The following DOCK6 variants were observed in gnomAD, a reference collection of about 807,000 sequenced individuals.
The protein encoded by DOCK6 is dedicator of cytokinesis 6.
In DOCK6, 167 loss-of-function variants were observed where a neutral mutation model predicts 230.3. The ratio of observed to expected loss-of-function variants is 0.73; its 90% CI spans 0.64 to 0.82. The LOEUF (loss-of-function observed/expected upper bound fraction) is 0.82, where lower values mean the gene tolerates loss of function less well. DOCK6 is among the 40% of genes least tolerant of loss of function. The probability of loss-of-function intolerance (pLI) is 0.00; values close to 1 mark genes in which losing one functional copy is unlikely to be tolerated. For missense variants in DOCK6, 2,598 were observed against 2,825.8 expected (o/e 0.92, Z 1.83); for synonymous variants, 1,148 against 1,185.0 (o/e 0.97, Z 0.64).
In DOCK6 at chr19:11,216,971, G is replaced by C. The variant is rs775363452; in HGVS notation, c.3837C>G (p.Pro1279=). 1 of 1,613,766 alleles carries C rather than the reference G, an allele frequency of 6.2e-7. No individual in the cohort carries two copies. Among genetic ancestry groups the C allele is most frequent in the Non-Finnish European group, 8.5e-7 (1 of 1,179,894 alleles). The change falls in exon 30 of 48, where the codon CCC becomes CCG. Residue 1279 remains proline (P), a synonymous_variant. Transcript: ENST00000294618. ...LQRWATDLTL[P]QLGRLLDLLY... ...GCAAATCCAACAGACGTCCCAGCTG[G>C]GGGAGTGTCAGGTCAGTGGCCCAGC...
At chr19:11,239,558 G>A (rs906665047) in intron 14 of DOCK6, 34 of 1,547,950 alleles carry the variant, frequency 2.2e-5, no homozygotes, top group Middle Eastern at 3.4e-4. Flanking sequence ...GCCAGTTAAC[G>A]ATTGACTGGG....
At chr19:11,207,464 G>A (rs1463332626) in intron 39 of DOCK6, among the ~76,000 whole-genome samples, 2 of 152,070 alleles carry the variant, frequency 1.3e-5, no homozygotes, top group Non-Finnish European at 2.9e-5. Context: ...CCAAAGTGCT[G>A]GGATTACAGG....
In DOCK6 at chr19:11,222,957, C is replaced by T. The variant is rs1275511744; in HGVS notation, c.3069+36G>A. 1 of 1,613,464 alleles carries T rather than the reference C, an allele frequency of 6.2e-7. No individual in the cohort carries two copies. Among genetic ancestry groups the T allele is most frequent in the South Asian group, 1.1e-5 (1 of 91,066 alleles). On this transcript the variant is annotated intron_variant, in intron 25 of 47. Transcript: ENST00000294618. This position sits in a 1 kb window ranked among gnomAD's most constrained non-coding sequence, Gnocchi z 4.0. ...ATGTCAACATTGCTCCGCCTTCCAT[C>T]CATGCCATGCCCACCCTGCCCACGC...
At chr19:11,242,005 C>T (rs765241740) in intron 14 of DOCK6, 40 bp downstream of exon 14, 41 of 1,543,050 alleles carry the variant, frequency 2.7e-5, no homozygotes, top group Non-Finnish European at 3.2e-5. Flanking sequence ...TGTATGAATA[C>T]CTCCCATTCA....
At chr19:11,231,055 G>C (rs1305729324) in intron 22 of DOCK6, among the ~76,000 whole-genome samples, 1 of 152,180 alleles carries the variant, frequency 6.6e-6, no homozygotes, top group African/African-American at 2.4e-5. Context: ...CAGATTTCCA[G>C]ATTCCCAGCA....
chr19:11,209,185 C>A, intron 37 of DOCK6, 82 bp from the exon 38 acceptor site: 1 of 1,494,100 alleles, frequency 6.7e-7, no homozygotes, highest in East Asian at 2.5e-5. Flanking sequence ...ATTCTCTTCA[C>A]TGGTTACCCC....
chr19:11,249,992 T>C (rs891354825), intron 6 of DOCK6, among the ~76,000 whole-genome samples: 3 of 150,418 alleles, frequency 2.0e-5, no homozygotes, highest in Non-Finnish European at 3.0e-5. Flanking sequence ...AGGTATATAG[T>C]AGGTGTCCAT....
In DOCK6 at chr19:11,202,089, CA is replaced by C; in HGVS notation, c.5487del (p.Phe1829LeufsTer10). ...ACCCGGTCCTTGAGCTCGTAGGTAT[CA>C]AAGTACGGTTCCACATACGTGATCT... ...YIQITYVEPY[F>X]DTYELKDRVT... is the part of the protein sequence containing the mutation. On this transcript the variant is annotated frameshift_variant, in exon 44 of 48. Transcript: ENST00000294618. LOFTEE classifies it high-confidence loss of function. This position sits in a 1 kb window ranked among gnomAD's most constrained non-coding sequence, Gnocchi z 5.3. The C allele has an allele frequency of 6.2e-7, 1 of 1,614,032 alleles. No individual in the cohort carries two copies. The highest frequency in any genetic ancestry group is 8.5e-7 in the Non-Finnish European group (1 of 1,179,904).
In DOCK6 at chr19:11,242,142, G is replaced by A. The variant is rs774151071; in HGVS notation, c.1546C>T (p.Leu516Phe). The change falls in exon 14 of 48, where the codon CTT (leucine) becomes TTT (phenylalanine). Residue 516 changes from leucine (L) to phenylalanine (F), a missense_variant. Physicochemically the swap from Leu to Phe is conservative, Grantham distance 22. Coordinates refer to ENST00000294618, the MANE Select transcript of DOCK6 (RefSeq NM_020812.4). ...GGGTCCGGGTAGGGCTTGATATGAA[G>A]CAGCTCAGGGGAGAGGCAGAAGTGG... ...NPHFCLSPEL[L>F]HIKPYPDPRG... 2.0e-6 allele frequency: 3 copies of A among 1,498,174 alleles called. No homozygotes were observed. The highest frequency in any genetic ancestry group is 1.4e-5 in the African/African-American group (1 of 71,104). 92.8% of individuals were successfully genotyped at this position (1,498,174 alleles called of 1,614,324 possible).
At chr19:11,231,903 G>A (rs1039784989) in intron 22 of DOCK6, among the ~76,000 whole-genome samples, 1 of 152,180 alleles carries the variant, frequency 6.6e-6, no homozygotes, top group African/African-American at 2.4e-5. Flanking sequence ...GGGCAGTGAG[G>A]TTATGGGTGA....
rs748546785 is a variant in DOCK6 at position 11,217,042 on chromosome 19, AC to A, written c.3765del (p.Cys1256ValfsTer6). 17 of 1,613,448 alleles carry A rather than the reference AC, an allele frequency of 1.1e-5. No individual in the cohort carries two copies. The highest frequency in any genetic ancestry group is 1.2e-5 in the Non-Finnish European group (14 of 1,179,882). On this transcript the variant is annotated frameshift_variant, in exon 30 of 48. Coordinates refer to ENST00000294618, the MANE Select transcript of DOCK6 (RefSeq NM_020812.4). LOFTEE classifies it high-confidence loss of function. ...GTGTTTTTCAGCACCCACAGCACAC[AC>A]GCCAGCAAGGTCCGGCTTGACTCAG... ...LSAESSRTLL[A>X]CVLWVLKNTE... is the part of the protein sequence containing the mutation.
intron 1 of DOCK6, among the ~76,000 whole-genome samples, chr19:11,261,537 A>G (rs970619818): frequency 6.6e-6 from 1 of 152,120 alleles, no homozygotes; most frequent in Non-Finnish European, 1.5e-5. Flanking sequence ...TCCCCCGGGG[A>G]GAGGATACCT....
chr19:11,216,824 C>T (rs2079495567), intron 30 of DOCK6, 90 bp downstream of exon 30: 1 of 1,333,234 alleles, frequency 7.5e-7, no homozygotes, highest in Non-Finnish European at 1.1e-6. Context: ...AAAGACAGTC[C>T]ACCCCTTCCC....
At position 11,236,733 on chromosome 19, in the gene DOCK6, A is replaced by G. The variant is rs2079854433; in HGVS notation, c.2160+60T>C. On this transcript the variant is annotated intron_variant, in intron 19 of 47. Coordinates refer to ENST00000294618, the MANE Select transcript of DOCK6 (RefSeq NM_020812.4). This position sits in a 1 kb window ranked among gnomAD's most constrained non-coding sequence, Gnocchi z 5.2. Reference sequence around the variant, plus strand: ...CCCGGCCATCGGCAACTGTTACTCAATCGTAGGGCAGGCAAGAGGGGAGCA... The same window carrying G: ...CCCGGCCATCGGCAACTGTTACTCAGTCGTAGGGCAGGCAAGAGGGGAGCA... 1.2e-5 allele frequency: 18 copies of G among 1,544,266 alleles called. No individual in the cohort carries two copies. Among genetic ancestry groups the G allele is most frequent in the East Asian group, 2.4e-5 (1 of 40,834 alleles).
intron 20 of DOCK6, 49 bp from the exon 21 acceptor site, chr19:11,235,808 TC>T (rs1448928290): frequency 2.0e-6 from 3 of 1,525,806 alleles, no homozygotes; most frequent in Non-Finnish European, 1.8e-6. Flanking sequence ...GCCTCTCACC[TC>T]CCCGCCCACT....
chr19:11,203,815 C>A (rs2079211254), intron 41 of DOCK6: 2 of 580,518 alleles, frequency 3.4e-6, no homozygotes, highest in Non-Finnish European at 6.1e-6. Flanking sequence ...CCTGCAGTGA[C>A]CAAGCTGGCC....
intron 1 of DOCK6, among the ~76,000 whole-genome samples, chr19:11,255,373 C>T (rs995203375): frequency 1.3e-5 from 2 of 149,844 alleles, no homozygotes; most frequent in East Asian, 2.0e-4. Context: ...GGCACGATAT[C>T]GGCTCACTGC....
At chr19:11,215,990 GC>G in intron 30 of DOCK6, 63 bp from the exon 31 acceptor site, 2 of 1,592,108 alleles carry the variant, frequency 1.3e-6, no homozygotes, top group Non-Finnish European at 1.7e-6. Flanking sequence ...ACCTGGGCTG[GC>G]CCCATCCCTT....
In DOCK6 at chr19:11,199,342, G is replaced by A. The variant is rs1411837643; in HGVS notation, c.*155C>T. The A allele has an allele frequency of 1.1e-6, 1 of 879,912 alleles. No individual in the cohort carries two copies. Among genetic ancestry groups the A allele is most frequent in the Non-Finnish European group, 1.8e-6 (1 of 557,592 alleles). 54.5% of individuals were successfully genotyped at this position (879,912 alleles called of 1,614,324 possible). A position where few individuals can be genotyped will look rare whatever the true frequency, so the allele number is the denominator to read the frequency against. On this transcript the variant is annotated 3_prime_UTR_variant, in exon 48 of 48. Coordinates refer to ENST00000294618, the MANE Select transcript of DOCK6 (RefSeq NM_020812.4). ...ATTAAAAAAGGGAGGAAGCATCAGT[G>A]CACACAGATGGGGACACAGGGGCAG... is the stretch of plus-strand genomic sequence containing the variant.
Sources: allele counts gnomAD v4.1 joint callset (sites outside exome capture counted in the v4.1 genomes callset), GRCh38; gene constraint gnomAD v4.1.1; non-coding constraint Gnocchi (gnomAD v3.1); transcripts MANE v1.5; gene names NCBI Gene and HGNC (gene_info 2026-07-23, HGNC 2026-07-21).